The following MON1B variants were observed in gnomAD, a reference collection of about 807,000 sequenced individuals.
MON1B encodes vacuolar fusion protein MON1 homolog B.
A neutral mutation model predicts 45.1 loss-of-function variants in MON1B; 26 were observed. The ratio of observed to expected loss-of-function variants is 0.58; its 90% CI spans 0.42 to 0.80. The LOEUF (loss-of-function observed/expected upper bound fraction) is 0.80. Among genes scored for constraint, MON1B ranks in the 30% least tolerant of loss-of-function variants. MON1B has a pLI of 0.00. For synonymous variants in MON1B, 395 were observed against 320.2 expected, an observed-to-expected ratio of 1.23 and a Z score of -2.49; for missense variants, 737 against 754.5, an observed-to-expected ratio of 0.98 and a Z score of 0.27.
rs1461099592 is a variant in MON1B at position 77,193,966 on chromosome 16, G to C, written c.475+189G>C. ...CTCTGTCTGGCCTGCTGGTTTCTTA[G>C]TGATTGACTTGCTGGGATCTCAGTG... is the stretch of plus-strand genomic sequence containing the variant. On this transcript the variant is annotated intron_variant, in intron 3 of 5. Transcript: ENST00000248248. This position sits in a 1 kb window ranked among gnomAD's most constrained non-coding sequence, Gnocchi z 5.0. 1 of 631,432 alleles carries C rather than the reference G, an allele frequency of 1.6e-6. No individual in the cohort carries two copies. The highest frequency in any genetic ancestry group is 1.8e-5 in the African/African-American group (1 of 54,506). 39.1% of individuals were successfully genotyped at this position (631,432 alleles called of 1,614,324 possible).
chr16:77,195,769 C>T, intron 5 of MON1B, 87 bp downstream of exon 5: 1 of 1,506,778 alleles, frequency 6.6e-7, no homozygotes, highest in South Asian at 1.2e-5. Context: ...ACAGTGCCTC[C>T]ACCAAACACA....
In MON1B at chr16:77,197,166, G is replaced by GGGC. The variant is rs201732067; in HGVS notation, c.1444-937_1444-935dup. Among the ~76,000 whole-genome samples the GGGC allele has an allele frequency of 8.0e-3, 1,217 of 152,086 alleles. 23 individuals are homozygous for GGGC. The highest frequency in any genetic ancestry group is 0.028 in the African/African-American group (1,181 of 41,486). ...AGTCGGGGTGGGAGTTGGGGGGAGTGGGCGGCGAGTCACAAGGTCAGGAGT... is the reference window on the plus strand; with the variant it reads ...AGTCGGGGTGGGAGTTGGGGGGAGTGGGCGGCGGCGAGTCACAAGGTCAGGAGT... On this transcript the variant is annotated intron_variant, in intron 5 of 5. Transcript: ENST00000248248.
Position 77,194,136 on chromosome 16 carries a change from CT to C in MON1B, c.476-196del. The C allele has an allele frequency of 1.5e-6, 1 of 663,266 alleles. No individual in the cohort carries two copies. The highest frequency in any genetic ancestry group is 2.7e-6 in the Non-Finnish European group (1 of 371,508). The allele number at this position is 663,266 out of a possible 1,614,324, so 41.1% of individuals were successfully genotyped here. A position where few individuals can be genotyped will look rare whatever the true frequency, so the allele number is the denominator to read the frequency against. On this transcript the variant is annotated intron_variant, in intron 3 of 5. Coordinates refer to ENST00000248248, the MANE Select transcript of MON1B (RefSeq NM_014940.4). The surrounding 1 kb of genome is among the most constrained non-coding windows in gnomAD (Gnocchi z 8.1). ...TGCTGTGTATCTAACCTACTTGTTC[CT>C]TTGTCCATCCCATCATGTCTCTGCA... is the stretch of plus-strand genomic sequence containing the variant.
At position 77,200,981 on chromosome 16, in the gene MON1B, G is replaced by C. The variant is rs2054736115; in HGVS notation, c.*2673G>C. 6.6e-6 allele frequency: 1 copy of C among 152,074 alleles called. No individual in the cohort carries two copies. Among genetic ancestry groups the C allele is most frequent in the Non-Finnish European group, 1.5e-5 (1 of 68,038 alleles). The allele number at this position is 152,074 out of a possible 1,614,324, so 9.4% of individuals were successfully genotyped here. ...CTTTCTGCACACTCTTTAAACCACTGTATTAACAAACACATTAGACTGCAT... is the reference window on the plus strand; with the variant it reads ...CTTTCTGCACACTCTTTAAACCACTCTATTAACAAACACATTAGACTGCAT... On this transcript the variant is annotated 3_prime_UTR_variant, in exon 6 of 6. Transcript: ENST00000248248.
In MON1B at chr16:77,199,438, C is replaced by T. The variant is rs757888203; in HGVS notation, c.*1130C>T. 3 of 1,551,444 alleles carry T rather than the reference C, an allele frequency of 1.9e-6. No homozygotes were observed. Among genetic ancestry groups the T allele is most frequent in the Middle Eastern group, 1.7e-4 (1 of 5,880 alleles). The stretch of plus-strand genomic sequence containing the variant: ...TCATCAAGCGAGGCTCGCGCGCAGG[C>T]CCCGCGTTGGAAAATGGCGGGGAAG... On this transcript the variant is annotated 3_prime_UTR_variant, in exon 6 of 6. Coordinates refer to ENST00000248248, the MANE Select transcript of MON1B (RefSeq NM_014940.4).
In MON1B at chr16:77,199,609, A is replaced by T. The variant is rs2054708575; in HGVS notation, c.*1301A>T. On this transcript the variant is annotated 3_prime_UTR_variant, in exon 6 of 6. Coordinates refer to ENST00000248248, the MANE Select transcript of MON1B (RefSeq NM_014940.4). The stretch of plus-strand genomic sequence containing the variant: ...ACAATAATGAAATAATGATATTCTA[A>T]TTTTTTTAAATAAAATGTTAAGCCT... 3.9e-6 allele frequency: 4 copies of T among 1,021,528 alleles called. No individual in the cohort carries two copies. Among genetic ancestry groups the T allele is most frequent in the Non-Finnish European group, 5.7e-6 (4 of 700,138 alleles). The allele number at this position is 1,021,528 out of a possible 1,614,324, so 63.3% of individuals were successfully genotyped here.
chr16:77,198,326 C>G lies in MON1B; in HGVS notation c.*18C>G. 1 of 1,608,480 alleles carries G rather than the reference C, an allele frequency of 6.2e-7. No homozygotes were observed. The highest frequency in any genetic ancestry group is 8.5e-7 in the Non-Finnish European group (1 of 1,174,872). On this transcript the variant is annotated 3_prime_UTR_variant, in exon 6 of 6. Transcript: ENST00000248248. ...GACTCTGATAGTTGGAGCTCCCAGA[C>G]CAGGCAGTGCTGGGAGCAACCACCT...
chr16:77,196,161 C>T (rs2054663538), intron 5 of MON1B, among the ~76,000 whole-genome samples: 1 of 152,136 alleles, frequency 6.6e-6, no homozygotes, highest in South Asian at 2.1e-4. Context: ...TATGGGTTTG[C>T]TAAAGGTCAG....
chr16:77,198,163 G>A lies in MON1B; in HGVS notation c.1499G>A (p.Gly500Asp), dbSNP rs1254795496. ...CTCAGCCCTCTGGTGACCAAGGCAG[G>A]TGCAATCTTGGTAGTGACCAAACTC... is the stretch of plus-strand genomic sequence containing the variant. ...TCLSPLVTKA[G>D]AILVVTKLLR... The change falls in exon 6 of 6, where the codon GGT becomes GAT. Residue 500 changes from glycine to aspartate, a missense_variant. Gly to Asp is a moderately conservative substitution (Grantham distance 94, BLOSUM62 -1). Coordinates refer to ENST00000248248, the MANE Select transcript of MON1B (RefSeq NM_014940.4). 1 of 1,614,164 alleles carries A rather than the reference G, an allele frequency of 6.2e-7. No homozygotes were observed. The highest frequency in any genetic ancestry group is 1.7e-5 in the Admixed American group (1 of 60,018).
intron 2 of MON1B, among the ~76,000 whole-genome samples, chr16:77,192,216 A>G (rs977249512): frequency 1.3e-5 from 2 of 152,116 alleles, no homozygotes; most frequent in African/African-American, 4.8e-5. Context: ...AGTGGATGTA[A>G]ATGGAGTCAT....
At position 77,194,315 on chromosome 16, in the gene MON1B, C is replaced by G; in HGVS notation, c.476-20C>G. The G allele has an allele frequency of 6.3e-7, 1 of 1,594,874 alleles. No individual in the cohort carries two copies. Among genetic ancestry groups the G allele is most frequent in the East Asian group, 2.2e-5 (1 of 44,830 alleles). On this transcript the variant is annotated intron_variant, in intron 3 of 5. Coordinates refer to ENST00000248248, the MANE Select transcript of MON1B (RefSeq NM_014940.4). The surrounding 1 kb of genome is among the most constrained non-coding windows in gnomAD (Gnocchi z 8.1). ...TCCTGATCCAGCTGTACCCCCCCTT[C>G]TTACCCCTTCCTTCCCTAGAGGACC...
At position 77,201,448 on chromosome 16, in the gene MON1B, G is replaced by A. The variant is rs551829214; in HGVS notation, c.*3140G>A. The stretch of plus-strand genomic sequence containing the variant: ...AGCCCATCAAATCGGCTTTATAAAG[G>A]GAAGCATAGTATCTGGTATTGACGA... On this transcript the variant is annotated 3_prime_UTR_variant, in exon 6 of 6. Coordinates refer to ENST00000248248, the MANE Select transcript of MON1B (RefSeq NM_014940.4). 6.6e-6 allele frequency: 1 copy of A among 152,248 alleles called. No homozygotes were observed. The highest frequency in any genetic ancestry group is 2.4e-5 in the African/African-American group (1 of 41,520). The allele number at this position is 152,248 out of a possible 1,614,324, so 9.4% of individuals were successfully genotyped here. A position where few individuals can be genotyped will look rare whatever the true frequency, so the allele number is the denominator to read the frequency against.
At chr16:77,196,044 T>G (rs2054662541) in intron 5 of MON1B, among the ~76,000 whole-genome samples, 1 of 152,142 alleles carries the variant, frequency 6.6e-6, no homozygotes, top group Non-Finnish European at 1.5e-5. Context: ...TCATTGTGAC[T>G]CCATGAGTCC....
rs1341142617 is a variant in MON1B at position 77,199,310 on chromosome 16, C to T, written c.*1002C>T. 2.7e-6 allele frequency: 2 copies of T among 744,830 alleles called. No individual in the cohort carries two copies. The highest frequency in any genetic ancestry group is 4.5e-6 in the Non-Finnish European group (2 of 447,596). 46.1% of individuals were successfully genotyped at this position (744,830 alleles called of 1,614,324 possible). On this transcript the variant is annotated 3_prime_UTR_variant, in exon 6 of 6. Transcript: ENST00000248248. ...AATCAGGGCCGCAGTGTGTTCTGCG[C>T]CTGCCCAGAGCTGACTCCTGATTTA...
Position 77,194,513 on chromosome 16 carries a change from C to T in MON1B, c.654C>T (p.Leu218=), listed in dbSNP as rs2054644263. ...RIFAHKQNYD[L]RRLLAGSERT... The stretch of plus-strand genomic sequence containing the variant: ...TCGCACACAAGCAGAACTATGACCT[C>T]CGCCGCCTGCTGGCTGGTTCAGAGC... Residue 218 remains leucine, a synonymous_variant, in exon 4 of 6, where the codon CTC becomes CTT. Transcript: ENST00000248248. This position sits in a 1 kb window ranked among gnomAD's most constrained non-coding sequence, Gnocchi z 8.1. 2 of 1,613,984 alleles carry T rather than the reference C, an allele frequency of 1.2e-6. No individual in the cohort carries two copies. The highest frequency in any genetic ancestry group is 1.7e-5 in the Admixed American group (1 of 60,004).
intron 5 of MON1B, 64 bp from the exon 6 acceptor site, chr16:77,198,044 G>A (rs1007112350): frequency 7.3e-6 from 11 of 1,512,130 alleles, no homozygotes; most frequent in East Asian, 6.8e-5. Flanking sequence ...GCTGCACTGG[G>A]GTAGGCAGGA....
At chr16:77,195,967 C>G (rs1045781384) in intron 5 of MON1B, among the ~76,000 whole-genome samples, 3 of 152,236 alleles carry the variant, frequency 2.0e-5, no homozygotes, top group African/African-American at 7.2e-5. Flanking sequence ...TTAACTACCA[C>G]TGCTGTGCCT....
chr16:77,198,370 C>T lies in MON1B; in HGVS notation c.*62C>T. 2.0e-6 allele frequency: 3 copies of T among 1,529,894 alleles called. No homozygotes were observed. In the South Asian group the frequency reaches 3.4e-5, roughly 17 times the overall value. 94.8% of individuals were successfully genotyped at this position (1,529,894 alleles called of 1,614,324 possible). ...ACCACCTTTGTTTTTTACCTTCTGT[C>T]TACCCTGGAAATGTGTGTGGGGGTG... On this transcript the variant is annotated 3_prime_UTR_variant, in exon 6 of 6. Coordinates refer to ENST00000248248, the MANE Select transcript of MON1B (RefSeq NM_014940.4).
At chr16:77,198,082 G>GACTC (rs1446342926) in intron 5 of MON1B, 26 bp from the exon 6 acceptor site, 2 of 1,609,206 alleles carry the variant, frequency 1.2e-6, no homozygotes, top group Admixed American at 3.3e-5. Flanking sequence ...TGGCCCATCT[G>GACTC]ACTCTGTCTC....
Sources: allele counts gnomAD v4.1 joint callset (sites outside exome capture counted in the v4.1 genomes callset), GRCh38; gene constraint gnomAD v4.1.1; non-coding constraint Gnocchi (gnomAD v3.1); transcripts MANE v1.5; gene names NCBI Gene and HGNC (gene_info 2026-07-23, HGNC 2026-07-21).